Variants in FBXL7 observed in about 807,000 individuals in gnomAD.
The protein encoded by FBXL7 is F-box/LRR-repeat protein 7.
In FBXL7, 12 loss-of-function variants were observed where a neutral mutation model predicts 38.3. The ratio of observed to expected loss-of-function variants is 0.31; its 90% confidence interval spans 0.20 to 0.51. The LOEUF is 0.51. FBXL7 is among the 20% of genes least tolerant of loss of function. FBXL7 has a pLI of 0.98. For synonymous variants in FBXL7, 297 were observed against 300.9 expected (o/e 0.99, Z 0.13); for missense variants, 567 against 676.4 (o/e 0.84, Z 1.79).
rs555586056 is a variant in FBXL7 at position 15,570,296 on chromosome 5, G to A, written c.38-45687G>A. On this transcript the variant is annotated intron_variant, in intron 1 of 3. Coordinates refer to ENST00000504595, the MANE Select transcript of FBXL7 (RefSeq NM_012304.5). Reference sequence around the variant, plus strand: ...TGTTATTGGTCTATTCAGAGATTCAGCTTCTTCCTGGTTTAGTCTTGGGAG... The same window carrying A: ...TGTTATTGGTCTATTCAGAGATTCAACTTCTTCCTGGTTTAGTCTTGGGAG... 7.0e-4 allele frequency among the ~76,000 whole-genome samples: 107 copies of A among 152,138 alleles called. 4 individuals are homozygous for A. In the South Asian group the frequency reaches 7.5e-3, roughly 11 times the overall value.
intron 2 of FBXL7, among the ~76,000 whole-genome samples, chr5:15,638,264 G>C (rs1361898813): frequency 6.6e-6 from 1 of 152,238 alleles, no homozygotes; most frequent in Non-Finnish European, 1.5e-5. Flanking sequence ...ACTTTCACGT[G>C]CAGTGGAGTC....
chr5:15,866,061 T>C (rs569359915), intron 2 of FBXL7, among the ~76,000 whole-genome samples: 2 of 152,360 alleles, frequency 1.3e-5, no homozygotes, highest in Admixed American at 6.5e-5. Context: ...AGGCCCACCA[T>C]AGCCAAATAA....
At chr5:15,681,211 T>C (rs1260122804) in intron 2 of FBXL7, among the ~76,000 whole-genome samples, 1 of 152,178 alleles carries the variant, frequency 6.6e-6, no homozygotes, top group African/African-American at 2.4e-5. Context: ...TCAACCTCAA[T>C]GTGAGGAATT....
chr5:15,838,509 G>A (rs1738651577), intron 2 of FBXL7, among the ~76,000 whole-genome samples: 1 of 152,108 alleles, frequency 6.6e-6, no homozygotes, highest in South Asian at 2.1e-4. Flanking sequence ...AATTTTTGTG[G>A]TAACACAACA....
Position 15,938,751 on chromosome 5 carries a change from C to T in FBXL7, c.*1565C>T, listed in dbSNP as rs1214283273. 2.7e-6 allele frequency: 1 copy of T among 371,882 alleles called. No individual in the cohort carries two copies. Among genetic ancestry groups the T allele is most frequent in the Non-Finnish European group, 4.8e-6 (1 of 209,994 alleles). The allele number at this position is 371,882 out of a possible 1,614,324, so 23.0% of individuals were successfully genotyped here. ...TATGGATTTTAAATGGATGAAACTTCAAATTATCTTATTTGGATAGAAGTC... is the reference window on the plus strand; with the variant it reads ...TATGGATTTTAAATGGATGAAACTTTAAATTATCTTATTTGGATAGAAGTC... On this transcript the variant is annotated 3_prime_UTR_variant, in exon 4 of 4. Coordinates refer to ENST00000504595, the MANE Select transcript of FBXL7 (RefSeq NM_012304.5).
intron 2 of FBXL7, among the ~76,000 whole-genome samples, chr5:15,868,086 G>C (rs977621819): frequency 3.6e-5 from 5 of 139,998 alleles, no homozygotes; most frequent in Middle Eastern, 4.3e-3. Context: ...CGTGGCGACA[G>C]AGCAAGACTC....
chr5:15,548,422 A>G (rs761858714), intron 1 of FBXL7, among the ~76,000 whole-genome samples: 2 of 152,224 alleles, frequency 1.3e-5, no homozygotes, highest in South Asian at 2.1e-4. Context: ...AACATTCATC[A>G]AACACTTCAT....
chr5:15,874,779 G>A (rs1740127531), intron 2 of FBXL7, among the ~76,000 whole-genome samples: 1 of 152,176 alleles, frequency 6.6e-6, no homozygotes, highest in Non-Finnish European at 1.5e-5. Flanking sequence ...CAAACAAATG[G>A]AAGAACATTC....
At chr5:15,888,612 T>C (rs1740779078) in intron 2 of FBXL7, among the ~76,000 whole-genome samples, 1 of 152,058 alleles carries the variant, frequency 6.6e-6, no homozygotes, top group Non-Finnish European at 1.5e-5. Context: ...TTTTAAACCA[T>C]GTGAGTACTT....
At chr5:15,696,520 T>A (rs73755515) in intron 2 of FBXL7, among the ~76,000 whole-genome samples, 8,114 of 152,294 alleles carry the variant, frequency 0.053, 236 homozygotes, top group East Asian at 0.085. Flanking sequence ...CTTTATCCTA[T>A]GTGTGCCTTT....
At chr5:15,504,948 G>A (rs1736603875) in intron 1 of FBXL7, among the ~76,000 whole-genome samples, 1 of 152,146 alleles carries the variant, frequency 6.6e-6, no homozygotes, top group South Asian at 2.1e-4. Context: ...CAGCTTGTTT[G>A]CAAAGCCGAG....
intron 2 of FBXL7, among the ~76,000 whole-genome samples, chr5:15,729,046 A>T (rs999365851): frequency 1.3e-5 from 2 of 152,108 alleles, no homozygotes; most frequent in African/African-American, 4.8e-5. Context: ...GCATTTGTGG[A>T]TCTAATTTAA....
intron 1 of FBXL7, among the ~76,000 whole-genome samples, chr5:15,530,973 T>A (rs1737403113): frequency 6.6e-6 from 1 of 152,160 alleles, no homozygotes; most frequent in African/African-American, 2.4e-5. Flanking sequence ...TAGAATAAAC[T>A]TACCTGATCA....
chr5:15,789,259 A>T (rs533132983), intron 2 of FBXL7, among the ~76,000 whole-genome samples: 1 of 152,180 alleles, frequency 6.6e-6, no homozygotes, highest in Admixed American at 6.5e-5. Flanking sequence ...TGTTTTTAAT[A>T]ATATAGTCAT....
chr5:15,889,471 G>A (rs992266602), intron 2 of FBXL7, among the ~76,000 whole-genome samples: 1 of 152,198 alleles, frequency 6.6e-6, no homozygotes, highest in Non-Finnish European at 1.5e-5. Context: ...AAGAGGAACT[G>A]TAGTGTCTCT....
chr5:15,729,123 A>G (rs1735504665), intron 2 of FBXL7, among the ~76,000 whole-genome samples: 1 of 152,174 alleles, frequency 6.6e-6, no homozygotes, highest in Non-Finnish European at 1.5e-5. Context: ...GGGAACTAGA[A>G]CACATGCAAT....
intron 1 of FBXL7, chr5:15,607,016 AG>A (rs1423630855): frequency 6.6e-6 from 1 of 152,242 alleles, no homozygotes; most frequent in African/African-American, 2.4e-5. Context: ...ATTATGCTGT[AG>A]GGACAGACAT....
chr5:15,579,462 G>A (rs1314621196), intron 1 of FBXL7, among the ~76,000 whole-genome samples: 2 of 152,186 alleles, frequency 1.3e-5, no homozygotes, highest in Non-Finnish European at 2.9e-5. Context: ...GTATGTCTGA[G>A]ATGAAATAAT....
chr5:15,803,645 C>A (rs1002123982), intron 2 of FBXL7, among the ~76,000 whole-genome samples: 4 of 151,682 alleles, frequency 2.6e-5, no homozygotes, highest in African/African-American at 9.7e-5. Flanking sequence ...TTCATGCAAC[C>A]CCCGATGTAA....
Sources: gnomAD v4.1 joint callset for allele counts (sites outside exome capture counted in the v4.1 genomes callset) on GRCh38, gnomAD v4.1.1 for gene constraint, MANE v1.5 for transcripts, NCBI Gene and HGNC (gene_info 2026-07-23, HGNC 2026-07-21) for gene names.